ATP2C2: variants seen among roughly 807,000 people sequenced by gnomAD.
ATP2C2 encodes the protein calcium-transporting ATPase type 2C member 2.
A neutral mutation model predicts 110.8 loss-of-function variants in ATP2C2; 171 were observed. The ratio of observed to expected loss-of-function variants is 1.54; its 90% CI spans 1.36 to 1.75. ATP2C2 has a LOEUF of 1.75. Ranked by LOEUF, ATP2C2 falls within the 40% of genes most tolerant of loss-of-function variation. The probability of loss-of-function intolerance (pLI) is 0.00; values close to 1 mark genes in which losing one functional copy is unlikely to be tolerated. For missense variants in ATP2C2, 1,963 were observed against 1,235.0 expected (o/e 1.59, Z -8.84); for synonymous variants, 804 against 508.4 (o/e 1.58, Z -7.82).
chr16:84,410,537 G>C (rs1395560880), intron 4 of ATP2C2, 31 bp from the exon 5 acceptor site: 2 of 1,612,268 alleles, frequency 1.2e-6, no homozygotes, highest in South Asian at 2.2e-5. Context: ...TGAGCCTCTG[G>C]TACTGACACC....
intron 20 of ATP2C2, 116 bp from the exon 21 acceptor site, chr16:84,454,702 C>G (rs562027898): frequency 5.3e-6 from 6 of 1,126,308 alleles, no homozygotes; most frequent in Non-Finnish European, 7.2e-6. Flanking sequence ...AGCTGGGATT[C>G]GAATTCCGGG....
intron 13 of ATP2C2, among the ~76,000 whole-genome samples, chr16:84,440,359 C>G (rs1909132020): frequency 6.6e-6 from 1 of 152,196 alleles, no homozygotes; most frequent in Non-Finnish European, 1.5e-5. Flanking sequence ...ACAAAACTGG[C>G]CAAACCAAGG....
chr16:84,443,106 G>A (rs1282891284), intron 15 of ATP2C2, among the ~76,000 whole-genome samples: 7 of 152,146 alleles, frequency 4.6e-5, no homozygotes, highest in African/African-American at 1.7e-4. Context: ...GGGAGCTGAT[G>A]GGGGCCTGCT....
chr16:84,415,424 A>T, intron 6 of ATP2C2, 59 bp from the exon 7 acceptor site: 1 of 1,348,374 alleles, frequency 7.4e-7, no homozygotes, highest in Non-Finnish European at 1.1e-6. Flanking sequence ...AAATGTATCA[A>T]GGTGCATAAA....
At chr16:84,380,420 C>T (rs960147109) in intron 1 of ATP2C2, among the ~76,000 whole-genome samples, 1 of 152,028 alleles carries the variant, frequency 6.6e-6, no homozygotes. Context: ...TCTCATAAAC[C>T]ATAAATAAAA....
intron 10 of ATP2C2, 72 bp from the exon 11 acceptor site, chr16:84,425,663 G>C (rs1907743753): frequency 2.0e-6 from 3 of 1,525,692 alleles, no homozygotes; most frequent in Admixed American, 1.7e-5. Flanking sequence ...TTAAGGAAGT[G>C]AGTTTGAATC....
intron 3 of ATP2C2, among the ~76,000 whole-genome samples, chr16:84,405,744 A>AC (rs1326150435): frequency 6.6e-6 from 1 of 152,112 alleles, no homozygotes; most frequent in Non-Finnish European, 1.5e-5. Flanking sequence ...ACATGGCGAA[A>AC]CCCCGTCTCT....
rs201380309 is a variant in ATP2C2 at position 84,452,102 on chromosome 16, C to T, written c.1831+11C>T. Reference sequence around the variant, plus strand: ...CGGCCTTGGCCATAGGTAACTGGGACAGGGTCGGGGGTGAGGACGAAAGGA... The same window carrying T: ...CGGCCTTGGCCATAGGTAACTGGGATAGGGTCGGGGGTGAGGACGAAAGGA... On this transcript the variant is annotated intron_variant, in intron 18 of 26. Coordinates refer to ENST00000262429, the MANE Select transcript of ATP2C2 (RefSeq NM_014861.4). The T allele has an allele frequency of 4.3e-6, 7 of 1,613,934 alleles. No individual in the cohort carries two copies. The highest frequency in any genetic ancestry group is 5.9e-6 in the Non-Finnish European group (7 of 1,179,972).
chr16:84,418,417 A>C (rs1907027828), intron 7 of ATP2C2, among the ~76,000 whole-genome samples: 1 of 150,498 alleles, frequency 6.6e-6, no homozygotes, highest in African/African-American at 2.4e-5. Context: ...AACCACCTTC[A>C]CTCCTTCTTG....
At chr16:84,396,296 A>T (rs1904970414) in intron 1 of ATP2C2, among the ~76,000 whole-genome samples, 1 of 152,066 alleles carries the variant, frequency 6.6e-6, no homozygotes, top group Non-Finnish European at 1.5e-5. Flanking sequence ...CTGTAATCTC[A>T]GCACTTTTGG....
In ATP2C2 at chr16:84,448,531, A is replaced by C. The variant is rs953432925; in HGVS notation, c.1504-2A>C. 6.2e-7 allele frequency: 1 copy of C among 1,605,080 alleles called. No homozygotes were observed. Among genetic ancestry groups the C allele is most frequent in the Non-Finnish European group, 8.5e-7 (1 of 1,173,644 alleles). On this transcript the variant is annotated splice_acceptor_variant, in intron 16 of 26. Coordinates refer to ENST00000262429, the MANE Select transcript of ATP2C2 (RefSeq NM_014861.4). LOFTEE classifies it high-confidence loss of function. ...GGATTTCTTCCCTTTGTCTTTTCTAAGGATCAGGAAGACATTTACTTCATG... is the reference window on the plus strand; with the variant it reads ...GGATTTCTTCCCTTTGTCTTTTCTACGGATCAGGAAGACATTTACTTCATG...
chr16:84,459,193 G>A lies in ATP2C2; in HGVS notation c.2216+5G>A. ...TGTCCGATTCCAGCTGAGCACGTAA[G>A]TAGAGGCCAGCATTCCGAGTGTCAT... On this transcript the variant is annotated splice_donor_5th_base_variant and intron_variant, in intron 22 of 26. Transcript: ENST00000262429. The A allele has an allele frequency of 6.2e-7, 1 of 1,614,240 alleles. No individual in the cohort carries two copies. The highest frequency in any genetic ancestry group is 8.5e-7 in the Non-Finnish European group (1 of 1,180,044).
Position 84,452,027 on chromosome 16 carries a change from C to T in ATP2C2, c.1767C>T (p.Leu589=). 2 of 1,613,756 alleles carry T rather than the reference C, an allele frequency of 1.2e-6. No individual in the cohort carries two copies. Among genetic ancestry groups the T allele is most frequent in the Non-Finnish European group, 1.7e-6 (2 of 1,179,984 alleles). ...RVGVKEAVQV[L]SESGVSVKMI... ...GCGTGAAGGAAGCAGTCCAGGTTCT[C>T]TCCGAGTCTGGTGTGTCTGTGAAGA... The change falls in exon 18 of 27, where the codon CTC becomes CTT. Residue 589 remains leucine (L), a synonymous_variant. Coordinates refer to ENST00000262429, the MANE Select transcript of ATP2C2 (RefSeq NM_014861.4).
intron 16 of ATP2C2, among the ~76,000 whole-genome samples, 180 bp downstream of exon 16, chr16:84,446,610 T>G (rs1909776778): frequency 6.6e-6 from 1 of 152,204 alleles, no homozygotes; most frequent in Admixed American, 6.5e-5. Flanking sequence ...TGCTTCTGGC[T>G]TTTTGTTTAA....
intron 26 of ATP2C2, among the ~76,000 whole-genome samples, chr16:84,463,308 G>A (rs62050920): frequency 0.19 from 28,208 of 152,058 alleles, 3,305 homozygotes; most frequent in East Asian, 0.49. Context: ...CACTGGGACA[G>A]CTGCTGTAGG....
rs145064196 is a variant in ATP2C2 at position 84,408,857 on chromosome 16, A to ATT, written c.417+372_417+373dup. Among the ~76,000 whole-genome samples the ATT allele has an allele frequency of 8.1e-3, 1,209 of 150,174 alleles. 12 individuals carry two copies. The highest frequency in any genetic ancestry group is 0.026 in the African/African-American group (1,071 of 41,030). ...ACCGAGAGGTAACCACTGAGCACTC[A>ATT]TTTTTTTTTTATTTAGATGAAATTC... On this transcript the variant is annotated intron_variant, in intron 4 of 26. Transcript: ENST00000262429.
intron 4 of ATP2C2, 48 bp from the exon 5 acceptor site, chr16:84,410,520 C>T (rs1906178153): frequency 1.9e-6 from 3 of 1,600,484 alleles, no homozygotes; most frequent in Non-Finnish European, 2.6e-6. Flanking sequence ...CCTGTCCCCC[C>T]TCCCACTGAG....
intron 11 of ATP2C2, among the ~76,000 whole-genome samples, chr16:84,436,046 A>G (rs937268058): frequency 6.0e-5 from 9 of 150,958 alleles, no homozygotes; most frequent in Non-Finnish European, 4.4e-5. Context: ...GGAGAATTGC[A>G]TGAAGCTGGG....
At chr16:84,399,114 G>A (rs1905165857) in intron 2 of ATP2C2, among the ~76,000 whole-genome samples, 1 of 152,230 alleles carries the variant, frequency 6.6e-6, no homozygotes, top group African/African-American at 2.4e-5. Context: ...GCCAGTGCAA[G>A]ACAAACATTT....
Sources: allele counts gnomAD v4.1 joint callset (sites outside exome capture counted in the v4.1 genomes callset), GRCh38; gene constraint gnomAD v4.1.1; transcripts MANE v1.5; gene names NCBI Gene and HGNC (gene_info 2026-07-23, HGNC 2026-07-21).